The following MPRIP variants were observed in gnomAD, a reference collection of about 807,000 sequenced individuals.
MPRIP encodes the protein myosin phosphatase Rho interacting protein.
Under a neutral mutation model 234.9 loss-of-function variants are expected in MPRIP, and 59 were observed. The observed-to-expected ratio is 0.25, with a 90% confidence interval of 0.20 to 0.31. MPRIP has a LOEUF of 0.31. MPRIP is among the 10% of genes least tolerant of loss of function. The pLI, the probability that MPRIP is intolerant of heterozygous loss-of-function variation, is 1.00. For synonymous variants in MPRIP, 1,144 were observed against 1,263.9 expected, an observed-to-expected ratio of 0.91 and a Z score of 2.01; for missense variants, 2,436 against 3,071.0, an observed-to-expected ratio of 0.79 and a Z score of 4.89.
intron 23 of MPRIP, among the ~76,000 whole-genome samples, chr17:17,181,218 GC>G (rs1027045936): frequency 3.3e-5 from 5 of 151,998 alleles, no homozygotes; most frequent in Admixed American, 6.5e-5. Flanking sequence ...TAAAACAAAA[GC>G]TTCTCACTAG....
chr17:17,082,962 G>C (rs1284812707), intron 3 of MPRIP, among the ~76,000 whole-genome samples: 1 of 152,214 alleles, frequency 6.6e-6, no homozygotes, highest in Non-Finnish European at 1.5e-5. Flanking sequence ...TGGTAGGTCT[G>C]ATGATCTTGG....
At chr17:17,075,466 C>G (rs2089305467) in intron 1 of MPRIP, among the ~76,000 whole-genome samples, 1 of 151,994 alleles carries the variant, frequency 6.6e-6, no homozygotes, top group Admixed American at 6.6e-5. Context: ...CTTAGGGGAT[C>G]CTGTACTCTC....
chr17:17,116,029 G>C (rs185227367), intron 3 of MPRIP, among the ~76,000 whole-genome samples: 2 of 152,100 alleles, frequency 1.3e-5, no homozygotes, highest in Admixed American at 1.3e-4. Flanking sequence ...TAAATAAAAC[G>C]TATCTATTAC....
chr17:17,113,918 G>C (rs1418571044), intron 3 of MPRIP, among the ~76,000 whole-genome samples: 3 of 139,520 alleles, frequency 2.2e-5, no homozygotes, highest in Non-Finnish European at 3.0e-5. Flanking sequence ...TAAGAGACAG[G>C]GTCTCACTCT....
Position 17,136,308 on chromosome 17 carries a change from C to T in MPRIP, c.594C>T (p.Thr198=). 1 of 1,613,748 alleles carries T rather than the reference C, an allele frequency of 6.2e-7. No individual in the cohort carries two copies. Among genetic ancestry groups the T allele is most frequent in the Non-Finnish European group, 8.5e-7 (1 of 1,179,846 alleles). Residue 198 remains threonine (T), a synonymous_variant, in exon 6 of 24, where the codon ACC becomes ACT. Coordinates refer to ENST00000651222, the MANE Select transcript of MPRIP (RefSeq NM_001364716.4). The part of the protein sequence containing the change: ...SSIPSAEKVP[T]TKSTLWQEEM... ...TCCCCAGTGCTGAGAAAGTCCCCAC[C>T]ACCAAGTCCACACTCTGGCAGGAAG... is the stretch of plus-strand genomic sequence containing the variant.
chr17:17,097,741 A>G (rs2089878117), intron 3 of MPRIP, among the ~76,000 whole-genome samples: 1 of 152,194 alleles, frequency 6.6e-6, no homozygotes, highest in African/African-American at 2.4e-5. Context: ...TCTGTCCAGA[A>G]CTGGCTCACT....
In MPRIP at chr17:17,164,725, A is replaced by T. The variant is rs1368963371; in HGVS notation, c.3134A>T (p.Asp1045Val). Residue 1045 changes from aspartate to valine, a missense_variant, in exon 16 of 24, where the codon GAC (aspartate) becomes GTC (valine). Physicochemically the swap from Asp to Val is radical, Grantham distance 152. Coordinates refer to ENST00000651222, the MANE Select transcript of MPRIP (RefSeq NM_001364716.4). ...ALLQNLKEVE[D>V]KASAYEDQLQ... is the part of the protein sequence containing the mutation. ...CTGCAGAACCTAAAGGAAGTGGAAG[A>T]CAAGGCCAGCGCCTATGAGGACCAG... 7.7e-7 allele frequency: 1 copy of T among 1,295,676 alleles called. No homozygotes were observed. The highest frequency in any genetic ancestry group is 1.3e-5 in the South Asian group (1 of 79,688). The allele number at this position is 1,295,676 out of a possible 1,614,324, so 80.3% of individuals were successfully genotyped here.
At chr17:17,125,405 G>A (rs2090472070) in intron 3 of MPRIP, among the ~76,000 whole-genome samples, 1 of 152,222 alleles carries the variant, frequency 6.6e-6, no homozygotes, top group Admixed American at 6.5e-5. Flanking sequence ...TCTTGGACCT[G>A]GACATTTAAC....
intron 18 of MPRIP, among the ~76,000 whole-genome samples, chr17:17,173,381 C>T (rs1167919115): frequency 1.3e-5 from 2 of 152,234 alleles, no homozygotes; most frequent in Admixed American, 6.5e-5. Context: ...GGCCCTGCCT[C>T]AGGAGCTGGC....
intron 3 of MPRIP, among the ~76,000 whole-genome samples, chr17:17,079,434 C>T (rs548084866): frequency 9.8e-5 from 15 of 152,324 alleles, no homozygotes; most frequent in Admixed American, 1.3e-4. Context: ...TTGGACACTC[C>T]GTTCCTTTGA....
In MPRIP at chr17:17,180,495, T is replaced by A. The variant is rs988029430; in HGVS notation, c.7206+407T>A. On this transcript the variant is annotated intron_variant, in intron 23 of 23. Coordinates refer to ENST00000651222, the MANE Select transcript of MPRIP (RefSeq NM_001364716.4). ...TCCCCAGCCAGGAAGCAGTACATCT[T>A]TAGTGTGCTGTCCAGAGCCAGCCAT... is the stretch of plus-strand genomic sequence containing the variant. 3.1e-6 allele frequency: 3 copies of A among 958,054 alleles called. No homozygotes were observed. In the African/African-American group the frequency reaches 4.8e-5, roughly 15 times the overall value. 59.3% of individuals were successfully genotyped at this position (958,054 alleles called of 1,614,324 possible).
chr17:17,092,082 C>T (rs1473539256), intron 3 of MPRIP, among the ~76,000 whole-genome samples: 1 of 152,250 alleles, frequency 6.6e-6, no homozygotes, highest in Non-Finnish European at 1.5e-5. Context: ...TCCCTGGGCC[C>T]TGCCTGGCTT....
chr17:17,184,945 A>G lies in MPRIP; in HGVS notation c.*51A>G. On this transcript the variant is annotated 3_prime_UTR_variant, in exon 24 of 24. Transcript: ENST00000651222. ...CGCCTTCCCCAGCTTGCAGCAGCAC[A>G]CCCCAAGCGCTGCTTTTCACCTGTA... The G allele has an allele frequency of 8.1e-7, 1 of 1,227,256 alleles. No homozygotes were observed. Among genetic ancestry groups the G allele is most frequent in the Non-Finnish European group, 1.2e-6 (1 of 830,638 alleles). The allele number at this position is 1,227,256 out of a possible 1,614,324, so 76.0% of individuals were successfully genotyped here.
intron 23 of MPRIP, chr17:17,181,717 G>C (rs2046377498): frequency 6.6e-6 from 1 of 152,212 alleles, no homozygotes; most frequent in South Asian, 2.1e-4. Context: ...TTAGTGATTT[G>C]GGCTTTTGGA....
intron 2 of MPRIP, among the ~76,000 whole-genome samples, chr17:17,076,573 T>C (rs1759289875): frequency 6.6e-6 from 1 of 152,214 alleles, no homozygotes; most frequent in South Asian, 2.1e-4. Context: ...GAATGGGTTT[T>C]GATTTCAGAG....
At chr17:17,051,617 C>A (rs1183009862) in intron 1 of MPRIP, among the ~76,000 whole-genome samples, 1 of 152,220 alleles carries the variant, frequency 6.6e-6, no homozygotes, top group Admixed American at 6.5e-5. Flanking sequence ...AGATTTTGTG[C>A]TTTTTCCAGT....
At chr17:17,050,033 A>G (rs1459344418) in intron 1 of MPRIP, among the ~76,000 whole-genome samples, 3 of 152,130 alleles carry the variant, frequency 2.0e-5, no homozygotes, top group African/African-American at 7.2e-5. Context: ...TAAAAATACA[A>G]TAAATTAGTC....
intron 11 of MPRIP, chr17:17,149,891 G>C (rs953608566): frequency 7.1e-5 from 23 of 325,980 alleles, no homozygotes; most frequent in African/African-American, 4.9e-4. Context: ...AGTGTGAAGG[G>C]ATTTCAACAG....
Position 17,137,925 on chromosome 17 carries a change from C to T in MPRIP, c.746C>T (p.Ala249Val), listed in dbSNP as rs368801216. 4 of 1,605,328 alleles carry T rather than the reference C, an allele frequency of 2.5e-6. No homozygotes were observed. The highest frequency in any genetic ancestry group is 2.7e-5 in the African/African-American group (2 of 74,434). Residue 249 changes from alanine (A) to valine (V), a missense_variant, in exon 7 of 24, where the codon GCC (alanine) becomes GTC (valine). By Grantham distance (64) the Ala-to-Val change is moderately conservative. Around this residue, in one of 4 missense-constraint regions of MPRIP, gnomAD observed 267 missense variants for 252.7 expected, o/e 1.06. Transcript: ENST00000651222. ...PGLESKEEES[A>V]MSSDRMDCGR... The stretch of plus-strand genomic sequence containing the variant: ...CCACTGTCTCTTCCAGAGGAGAGCG[C>T]CATGAGTAGCGACCGCATGGACTGT...
Sources: allele counts gnomAD v4.1 joint callset (sites outside exome capture counted in the v4.1 genomes callset), GRCh38; gene constraint gnomAD v4.1.1; regional missense constraint gnomAD v4.1.1; transcripts MANE v1.5; gene names NCBI Gene and HGNC (gene_info 2026-07-23, HGNC 2026-07-21).